The following KCNK13 variants were observed in gnomAD, a reference collection of about 807,000 sequenced individuals.
KCNK13 encodes potassium two pore domain channel subfamily K member 13, also known as potassium channel subfamily K member 13.
A neutral mutation model predicts 23.4 loss-of-function variants in KCNK13; 12 were observed. The ratio of observed to expected loss-of-function variants is 0.51; its 90% CI spans 0.33 to 0.83. The LOEUF is 0.83. KCNK13 is among the 40% of genes least tolerant of loss of function. The pLI is 0.02. For synonymous variants in KCNK13, 231 were observed against 229.5 expected (o/e 1.01, Z -0.06); for missense variants, 463 against 556.3 (o/e 0.83, Z 1.69).
At chr14:90,071,152 C>G (rs1489968989) in intron 1 of KCNK13, among the ~76,000 whole-genome samples, 1 of 152,136 alleles carries the variant, frequency 6.6e-6, no homozygotes, top group Non-Finnish European at 1.5e-5. Context: ...ATCCAGTTCT[C>G]TCTTTCCCTC....
intron 1 of KCNK13, among the ~76,000 whole-genome samples, chr14:90,164,105 T>A (rs1239090320): frequency 6.6e-6 from 1 of 152,152 alleles, no homozygotes; most frequent in Non-Finnish European, 1.5e-5. Context: ...GAAAAATAAA[T>A]CCTAATGAAT....
chr14:90,106,692 A>G lies in KCNK13; in HGVS notation c.334+44153A>G, dbSNP rs542490091. On this transcript the variant is annotated intron_variant, in intron 1 of 1. Coordinates refer to ENST00000282146, the MANE Select transcript of KCNK13 (RefSeq NM_022054.4). ...TTTTAGAAAGACATTATACTGCCCT[A>G]ATTATAAAAGAATAAACAACAGAAA... is the stretch of plus-strand genomic sequence containing the variant. Among the ~76,000 whole-genome samples, 10 of 152,256 alleles carry G rather than the reference A, an allele frequency of 6.6e-5. 1 individual carries two copies. The South Asian group carries it at 2.1e-3, about 32-fold the overall frequency.
In KCNK13 at chr14:90,069,030, C is replaced by CTTTT. The variant is rs34881625; in HGVS notation, c.334+6512_334+6515dup. On this transcript the variant is annotated intron_variant, in intron 1 of 1. Coordinates refer to ENST00000282146, the MANE Select transcript of KCNK13 (RefSeq NM_022054.4). ...TAGATTCTCAACAACAGTTTTTATT[C>CTTTT]TTTTTTTTTTTTTTTTTTTTTTTTG... Among the ~76,000 whole-genome samples the CTTTT allele has an allele frequency of 8.7e-4, 78 of 90,096 alleles. 1 individual carries two copies. The highest frequency in any genetic ancestry group is 1.9e-3 in the African/African-American group (42 of 22,670). The allele number at this position is 90,096 out of a possible 152,430, so 59.1% of individuals were successfully genotyped here.
chr14:90,141,806 C>T (rs1169924734), intron 1 of KCNK13, among the ~76,000 whole-genome samples: 1 of 89,974 alleles, frequency 1.1e-5, no homozygotes, highest in Non-Finnish European at 2.3e-5. Context: ...GGGGGGGGGA[C>T]GGAGCCTTGC....
intron 1 of KCNK13, among the ~76,000 whole-genome samples, chr14:90,115,108 G>A (rs1217622948): frequency 6.6e-6 from 1 of 152,186 alleles, no homozygotes; most frequent in Admixed American, 6.5e-5. Flanking sequence ...TTGGGACTGG[G>A]ACCTGGTCTC....
At chr14:90,176,572 G>A (rs1332547078) in intron 1 of KCNK13, among the ~76,000 whole-genome samples, 9 of 152,130 alleles carry the variant, frequency 5.9e-5, no homozygotes, top group African/African-American at 2.2e-4. Context: ...TAAACTGTTA[G>A]CATCAAAAAG....
At chr14:90,076,610 C>G (rs1669742105) in intron 1 of KCNK13, among the ~76,000 whole-genome samples, 1 of 152,134 alleles carries the variant, frequency 6.6e-6, no homozygotes, top group Non-Finnish European at 1.5e-5. Flanking sequence ...GAGCGCAATG[C>G]TATCTCAAAT....
At chr14:90,075,620 AG>A (rs1313845666) in intron 1 of KCNK13, among the ~76,000 whole-genome samples, 4 of 152,132 alleles carry the variant, frequency 2.6e-5, no homozygotes, top group African/African-American at 9.7e-5. Flanking sequence ...CTGGGATTAC[AG>A]GCGTGCACCA....
chr14:90,111,510 T>G (rs1252638352), intron 1 of KCNK13, among the ~76,000 whole-genome samples: 1 of 152,176 alleles, frequency 6.6e-6, no homozygotes, highest in African/African-American at 2.4e-5. Context: ...GCCCTTTTTC[T>G]GTGAATTTCA....
chr14:90,185,120 C>G lies in KCNK13; in HGVS notation c.*117C>G, dbSNP rs1890536592. 3 of 901,760 alleles carry G rather than the reference C, an allele frequency of 3.3e-6. No individual in the cohort carries two copies. Among genetic ancestry groups the G allele is most frequent in the Admixed American group, 3.1e-5 (1 of 31,800 alleles). 55.9% of individuals were successfully genotyped at this position (901,760 alleles called of 1,614,324 possible). ...TCCTTCTGGGAGCTGTTCCCGGGAGCCTCCGCAAGCATCTTTAGAAATCTG... is the reference window on the plus strand; with the variant it reads ...TCCTTCTGGGAGCTGTTCCCGGGAGGCTCCGCAAGCATCTTTAGAAATCTG... On this transcript the variant is annotated 3_prime_UTR_variant, in exon 2 of 2. Transcript: ENST00000282146.
intron 1 of KCNK13, among the ~76,000 whole-genome samples, chr14:90,169,619 T>G (rs1242249878): frequency 6.6e-6 from 1 of 152,198 alleles, no homozygotes; most frequent in East Asian, 1.9e-4. Flanking sequence ...CTTTAGGATA[T>G]TCATAGAACT....
intron 1 of KCNK13, among the ~76,000 whole-genome samples, chr14:90,103,441 G>A (rs764215365): frequency 6.6e-6 from 1 of 152,202 alleles, no homozygotes; most frequent in African/African-American, 2.4e-5. Flanking sequence ...GCCAGCATCT[G>A]TGGGATTTTA....
At chr14:90,146,023 C>T (rs753049038) in intron 1 of KCNK13, among the ~76,000 whole-genome samples, 7 of 150,994 alleles carry the variant, frequency 4.6e-5, no homozygotes, top group Middle Eastern at 6.8e-3. Context: ...AAAACAAATA[C>T]GAAAGTGAGA....
intron 1 of KCNK13, among the ~76,000 whole-genome samples, chr14:90,143,190 C>CTTTTCTTTTCT (rs1302100655): frequency 9.1e-6 from 1 of 109,334 alleles, no homozygotes. Flanking sequence ...CTTTTCTTTT[C>CTTTTCTTTTCT]TTTCTTTCTT....
intron 1 of KCNK13, among the ~76,000 whole-genome samples, chr14:90,113,447 G>A (rs1012387028): frequency 6.6e-6 from 1 of 152,132 alleles, no homozygotes; most frequent in Non-Finnish European, 1.5e-5. Flanking sequence ...TGAAAATGGT[G>A]GGGTACAAAT....
At chr14:90,079,300 C>T (rs530930759) in intron 1 of KCNK13, among the ~76,000 whole-genome samples, 25 of 151,706 alleles carry the variant, frequency 1.6e-4, no homozygotes, top group Non-Finnish European at 3.1e-4. Flanking sequence ...GAAGTGCTCC[C>T]AGAAAAAACT....
chr14:90,066,640 T>C (rs1889013052), intron 1 of KCNK13, among the ~76,000 whole-genome samples: 1 of 152,214 alleles, frequency 6.6e-6, no homozygotes, highest in South Asian at 2.1e-4. Context: ...CAACAGATGA[T>C]ATTCACAAAC....
chr14:90,142,570 G>A (rs376318557), intron 1 of KCNK13, among the ~76,000 whole-genome samples: 12 of 150,718 alleles, frequency 8.0e-5, no homozygotes, highest in African/African-American at 2.2e-4. Context: ...CACCCGCCTC[G>A]GCCTCCCAAA....
At chr14:90,178,637 T>A (rs552743223) in intron 1 of KCNK13, among the ~76,000 whole-genome samples, 1 of 152,222 alleles carries the variant, frequency 6.6e-6, no homozygotes, top group African/African-American at 2.4e-5. Flanking sequence ...TATCTCATGA[T>A]ACACCTACTC....
Sources: gnomAD v4.1 joint callset for allele counts (sites outside exome capture counted in the v4.1 genomes callset) on GRCh38, gnomAD v4.1.1 for gene constraint, MANE v1.5 for transcripts, NCBI Gene and HGNC (gene_info 2026-07-23, HGNC 2026-07-21) for gene names.